MMACHC: variants seen among roughly 807,000 people sequenced by gnomAD.
MMACHC encodes the protein metabolism of cobalamin associated C, also known as cyanocobalamin reductase / alkylcobalamin dealkylase.
A neutral mutation model predicts 17.6 loss-of-function variants in MMACHC; 14 were observed. The observed-to-expected ratio is 0.80, with a 90% CI of 0.53 to 1.25. The LOEUF is 1.25. Among genes scored for constraint, MMACHC ranks in the 50% most tolerant of loss-of-function variants. The pLI, the probability that MMACHC is intolerant of heterozygous loss-of-function variation, is 0.00. For missense variants in MMACHC, 392 were observed against 364.5 expected (o/e 1.08, Z -0.62); for synonymous variants, 151 against 142.1 (o/e 1.06, Z -0.45).
In MMACHC at chr1:45,511,865, T is replaced by A. The variant is rs561004710; in HGVS notation, c.*2650T>A. 1 of 152,650 alleles carries A rather than the reference T, an allele frequency of 6.6e-6. No homozygotes were observed. The highest frequency in any genetic ancestry group is 6.5e-5 in the Admixed American group (1 of 15,296). 9.5% of individuals were successfully genotyped at this position (152,650 alleles called of 1,614,324 possible). On this transcript the variant is annotated 3_prime_UTR_variant, in exon 4 of 4. Coordinates refer to ENST00000401061, the MANE Select transcript of MMACHC (RefSeq NM_015506.3). ...ACCAAACTGGATAGCCTGAACCTTA[T>A]AAAGGATCAAGAACTTAACAGAAGC...
Position 45,508,940 on chromosome 1 carries a change from C to G in MMACHC, c.574C>G (p.Leu192Val). 6.2e-7 allele frequency: 1 copy of G among 1,614,216 alleles called. No individual in the cohort carries two copies. The highest frequency in any genetic ancestry group is 1.1e-5 in the South Asian group (1 of 91,088). The change falls in exon 4 of 4, where the codon CTA becomes GTA. Residue 192 changes from leucine to valine, a missense_variant. Transcript: ENST00000401061. ...CVPTRADRIA[L>V]LEGFNFHWRD... ...ACCTACAAGAGCTGACCGTATCGCC[C>G]TACTCGAAGGCTTCAATTTCCACTG...
intron 3 of MMACHC, 98 bp from the exon 4 acceptor site, chr1:45,508,698 A>G: frequency 7.4e-7 from 1 of 1,354,302 alleles, no homozygotes; most frequent in Non-Finnish European, 1.0e-6. Context: ...GTCAGTGTAC[A>G]CTGAGTGGGA....
rs376964010 is a variant in MMACHC at position 45,508,794 on chromosome 1, A to G, written c.430-2A>G. On this transcript the variant is annotated splice_acceptor_variant, in intron 3 of 3. Coordinates refer to ENST00000401061, the MANE Select transcript of MMACHC (RefSeq NM_015506.3). LOFTEE classifies it high-confidence loss of function. ...CCTTGCTTTTCTTCACCCTCTCCCC[A>G]GCGCATATCAGGTGTGTGCATACAC... The G allele has an allele frequency of 1.9e-6, 3 of 1,613,420 alleles. No homozygotes were observed. In the African/African-American group the frequency reaches 4.0e-5, roughly 22 times the overall value.
chr1:45,510,998 C>A lies in MMACHC; in HGVS notation c.*1783C>A, dbSNP rs1485719907. The stretch of plus-strand genomic sequence containing the variant: ...AACAGGGAAAGCAAGGAGTAAATTC[C>A]TCTTAAAATCAAAAGCTAATAATAT... On this transcript the variant is annotated 3_prime_UTR_variant, in exon 4 of 4. Transcript: ENST00000401061. 5.3e-6 allele frequency: 1 copy of A among 187,156 alleles called. No homozygotes were observed. The highest frequency in any genetic ancestry group is 1.1e-5 in the Non-Finnish European group (1 of 91,794). 11.6% of individuals were successfully genotyped at this position (187,156 alleles called of 1,614,324 possible). A position where few individuals can be genotyped will look rare whatever the true frequency, so the allele number is the denominator to read the frequency against.
intron 1 of MMACHC, among the ~76,000 whole-genome samples, chr1:45,505,873 A>C (rs1042680273): frequency 4.7e-5 from 7 of 150,200 alleles, no homozygotes; most frequent in Non-Finnish European, 1.0e-4. Context: ...CTGCACTCTA[A>C]CCTGGGCAAC....
rs770828810 is a variant in MMACHC, at chr1:45,511,731, C to T, written c.*2516C>T. ...TAAGGGGAAAAAAAAGCTAAATAAA[C>T]GACACACATAGGACTATGTAAACCC... On this transcript the variant is annotated 3_prime_UTR_variant, in exon 4 of 4. Coordinates refer to ENST00000401061, the MANE Select transcript of MMACHC (RefSeq NM_015506.3). The T allele has an allele frequency of 6.5e-5, 14 of 215,608 alleles. No homozygotes were observed. The highest frequency in any genetic ancestry group is 3.3e-4 in the East Asian group (3 of 9,214). 13.4% of individuals were successfully genotyped at this position (215,608 alleles called of 1,614,324 possible).
chr1:45,508,864 GC>G lies in MMACHC; in HGVS notation c.500del (p.Pro167GlnfsTer3), dbSNP rs1553162918. ...WFAIRGVVLL[P>X]GIEVPDLPPR... is the part of the protein sequence containing the mutation. ...TTGCCATCCGAGGGGTAGTGCTGCT[GC>G]CAGGGATAGAGGTGCCAGATCTGCC... On this transcript the variant is annotated frameshift_variant, in exon 4 of 4. Coordinates refer to ENST00000401061, the MANE Select transcript of MMACHC (RefSeq NM_015506.3). LOFTEE classifies it low-confidence loss of function (END_TRUNC). 6.2e-7 allele frequency: 1 copy of G among 1,614,174 alleles called. No individual in the cohort carries two copies. Among genetic ancestry groups the G allele is most frequent in the Non-Finnish European group, 8.5e-7 (1 of 1,180,022 alleles).
At position 45,511,162 on chromosome 1, in the gene MMACHC, GAAGA is replaced by G. The variant is rs920118221; in HGVS notation, c.*1951_*1954del. Reference sequence around the variant, plus strand: ...CCAACTCAGGCCATTCCTACCAAAGGAAGAAAGGCTGGTCTCTCCACCCCCTGTA... The same window carrying G: ...CCAACTCAGGCCATTCCTACCAAAGGAAGGCTGGTCTCTCCACCCCCTGTA... On this transcript the variant is annotated 3_prime_UTR_variant, in exon 4 of 4. Coordinates refer to ENST00000401061, the MANE Select transcript of MMACHC (RefSeq NM_015506.3). The G allele has an allele frequency of 5.0e-6, 3 of 596,436 alleles. No homozygotes were observed. The African/African-American group carries it at 5.6e-5, about 11-fold the overall frequency. 36.9% of individuals were successfully genotyped at this position (596,436 alleles called of 1,614,324 possible).
At chr1:45,501,964 T>G (rs1449247922) in intron 1 of MMACHC, among the ~76,000 whole-genome samples, 2 of 152,154 alleles carry the variant, frequency 1.3e-5, no homozygotes, top group African/African-American at 2.4e-5. Context: ...CTTGGATTAC[T>G]GTAATAACCT....
intron 1 of MMACHC, among the ~76,000 whole-genome samples, chr1:45,504,436 A>G (rs11211125): frequency 0.064 from 9,753 of 152,152 alleles, 1,033 homozygotes; most frequent in African/African-American, 0.22. Flanking sequence ...AACCAAACAC[A>G]AGATTCCTGT....
rs1040138827 is a variant in MMACHC, at chr1:45,509,480, C to A, written c.*265C>A. ...CTAGGCTGGAGTGCAGTGGCACAGT[C>A]TCTACTCACTGCAACCTCTGCCTCC... is the stretch of plus-strand genomic sequence containing the variant. On this transcript the variant is annotated 3_prime_UTR_variant, in exon 4 of 4. Coordinates refer to ENST00000401061, the MANE Select transcript of MMACHC (RefSeq NM_015506.3). 6 of 388,700 alleles carry A rather than the reference C, an allele frequency of 1.5e-5. No individual in the cohort carries two copies. Among genetic ancestry groups the A allele is most frequent in the Non-Finnish European group, 2.7e-5 (6 of 220,560 alleles). The allele number at this position is 388,700 out of a possible 1,614,324, so 24.1% of individuals were successfully genotyped here. A position where few individuals can be genotyped will look rare whatever the true frequency, so the allele number is the denominator to read the frequency against.
In MMACHC at chr1:45,512,252, ATT is replaced by A. The variant is rs1557611864; in HGVS notation, c.*3041_*3042del. 3 of 149,940 alleles carry A rather than the reference ATT, an allele frequency of 2.0e-5. No homozygotes were observed. Among genetic ancestry groups the A allele is most frequent in the African/African-American group, 7.3e-5 (3 of 40,834 alleles). The allele number at this position is 149,940 out of a possible 1,614,324, so 9.3% of individuals were successfully genotyped here. ...AGGCGCCCACCACCACACCTGGCTA[ATT>A]TTTGAGACAGTCTCACATTGTCGCC... On this transcript the variant is annotated 3_prime_UTR_variant, in exon 4 of 4. Coordinates refer to ENST00000401061, the MANE Select transcript of MMACHC (RefSeq NM_015506.3).
At chr1:45,502,642 C>A (rs1417320297) in intron 1 of MMACHC, among the ~76,000 whole-genome samples, 1 of 152,084 alleles carries the variant, frequency 6.6e-6, no homozygotes, top group African/African-American at 2.4e-5. Flanking sequence ...CTACATCAAC[C>A]TGACAGTTGA....
At position 45,510,055 on chromosome 1, in the gene MMACHC, T is replaced by A. The variant is rs1265457115; in HGVS notation, c.*840T>A. 1 of 117,926 alleles carries A rather than the reference T, an allele frequency of 8.5e-6. No homozygotes were observed. Among genetic ancestry groups the A allele is most frequent in the African/African-American group, 3.2e-5 (1 of 31,032 alleles). 7.3% of individuals were successfully genotyped at this position (117,926 alleles called of 1,614,324 possible). ...TTGCATGGCTGCACTCTAGCCTGGG[T>A]GACAGTGTGAGACTCTGTCTCAAAA... On this transcript the variant is annotated 3_prime_UTR_variant, in exon 4 of 4. Coordinates refer to ENST00000401061, the MANE Select transcript of MMACHC (RefSeq NM_015506.3).
chr1:45,500,499 C>A, intron 1 of MMACHC, 86 bp downstream of exon 1: 2 of 1,302,888 alleles, frequency 1.5e-6, no homozygotes, highest in East Asian at 2.3e-5. Context: ...GCCTCTGATC[C>A]TCCTGGGTTC....
chr1:45,508,440 C>G lies in MMACHC; in HGVS notation c.429+76C>G. 4.6e-6 allele frequency: 7 copies of G among 1,531,962 alleles called. No individual in the cohort carries two copies. The South Asian group carries it at 7.0e-5, about 15-fold the overall frequency. The allele number at this position is 1,531,962 out of a possible 1,614,324, so 94.9% of individuals were successfully genotyped here. A position where few individuals can be genotyped will look rare whatever the true frequency, so the allele number is the denominator to read the frequency against. ...CCCTACCAGGTCCCACATTCCTCAG[C>G]CTTCCCTGGATGGATGTGACACAAC... On this transcript the variant is annotated intron_variant, in intron 3 of 3. Transcript: ENST00000401061.
chr1:45,509,392 G>A lies in MMACHC; in HGVS notation c.*177G>A. 3 of 553,856 alleles carry A rather than the reference G, an allele frequency of 5.4e-6. No homozygotes were observed. Among genetic ancestry groups the A allele is most frequent in the Admixed American group, 3.6e-5 (1 of 27,770 alleles). 34.3% of individuals were successfully genotyped at this position (553,856 alleles called of 1,614,324 possible). A position where few individuals can be genotyped will look rare whatever the true frequency, so the allele number is the denominator to read the frequency against. On this transcript the variant is annotated 3_prime_UTR_variant, in exon 4 of 4. Coordinates refer to ENST00000401061, the MANE Select transcript of MMACHC (RefSeq NM_015506.3). ...GGCCAAGATAAAGGCCAGGGAACCA[G>A]AATTCCCATCTGCCTTCAAATGAGT...
chr1:45,504,847 C>T (rs1391488557), intron 1 of MMACHC, among the ~76,000 whole-genome samples: 2 of 152,162 alleles, frequency 1.3e-5, no homozygotes, highest in Admixed American at 6.5e-5. Context: ...GGCACGGAAG[C>T]TCACGCCTGT....
In MMACHC at chr1:45,511,465, A is replaced by C; in HGVS notation, c.*2250A>C. 7.4e-6 allele frequency: 11 copies of C among 1,489,220 alleles called. No individual in the cohort carries two copies. The highest frequency in any genetic ancestry group is 2.3e-5 in the East Asian group (1 of 44,030). 92.3% of individuals were successfully genotyped at this position (1,489,220 alleles called of 1,614,324 possible). ...AATAACCTTCTCAATGGTATGCACCACCATTCTCCTATGGACAAAACCAGT... is the reference window on the plus strand; with the variant it reads ...AATAACCTTCTCAATGGTATGCACCCCCATTCTCCTATGGACAAAACCAGT... On this transcript the variant is annotated 3_prime_UTR_variant, in exon 4 of 4. Coordinates refer to ENST00000401061, the MANE Select transcript of MMACHC (RefSeq NM_015506.3).
Sources: allele counts gnomAD v4.1 joint callset (sites outside exome capture counted in the v4.1 genomes callset), GRCh38; gene constraint gnomAD v4.1.1; transcripts MANE v1.5; gene names NCBI Gene and HGNC (gene_info 2026-07-23, HGNC 2026-07-21).